The following RUFY2 variants were observed in gnomAD, a reference collection of about 807,000 sequenced individuals.
RUFY2 encodes the protein RUN and FYVE domain-containing protein 2.
In RUFY2, 49 loss-of-function variants were observed where a neutral mutation model predicts 94.4. That is an observed-to-expected ratio of 0.52 (90% CI 0.41 to 0.66). RUFY2 has a LOEUF of 0.66. Ranked by LOEUF, RUFY2 falls within the 30% of genes least tolerant of loss-of-function variation. The pLI, the probability that RUFY2 is intolerant of heterozygous loss-of-function variation, is 0.00. For synonymous variants in RUFY2, 255 were observed against 235.7 expected (o/e 1.08, Z -0.75); for missense variants, 541 against 692.8 (o/e 0.78, Z 2.46).
chr10:68,378,391 T>G (rs1319962167), intron 12 of RUFY2: 3 of 1,235,746 alleles, frequency 2.4e-6, no homozygotes, highest in Non-Finnish European at 2.0e-6. Context: ...GAAATCCAAG[T>G]GCACCCACTC....
intron 13 of RUFY2, among the ~76,000 whole-genome samples, chr10:68,366,453 A>T (rs906771341): frequency 2.0e-5 from 3 of 151,452 alleles, no homozygotes; most frequent in Non-Finnish European, 4.4e-5. Context: ...ACTTAGAAAA[A>T]ATTTTCAGGC....
chr10:68,366,330 C>CAA (rs374353912), intron 13 of RUFY2, among the ~76,000 whole-genome samples: 753 of 54,306 alleles, frequency 0.014, 19 homozygotes, highest in African/African-American at 0.039. Context: ...AACTCCATCT[C>CAA]AAAAAAAAAA....
Position 68,396,712 on chromosome 10 carries a change from A to G in RUFY2, c.398+68T>C, listed in dbSNP as rs1232382216. The G allele has an allele frequency of 6.9e-6, 7 of 1,008,492 alleles. No individual in the cohort carries two copies. The African/African-American group carries it at 1.1e-4, about 16-fold the overall frequency. The allele number at this position is 1,008,492 out of a possible 1,614,324, so 62.5% of individuals were successfully genotyped here. A position where few individuals can be genotyped will look rare whatever the true frequency, so the allele number is the denominator to read the frequency against. ...ATATATCCTTTCATATTACATCTTA[A>G]ATCCTTTTTGGAAGACAGCATATAA... is the stretch of plus-strand genomic sequence containing the variant. On this transcript the variant is annotated intron_variant, in intron 4 of 17. Coordinates refer to ENST00000602465, the MANE Select transcript of RUFY2 (RefSeq NM_001330103.2).
At chr10:68,389,313 C>T (rs1191198128) in intron 7 of RUFY2, among the ~76,000 whole-genome samples, 1 of 152,160 alleles carries the variant, frequency 6.6e-6, no homozygotes, top group East Asian at 1.9e-4. Flanking sequence ...TTGAACTGGG[C>T]CGGCCACGGT....
At position 68,344,700 on chromosome 10, in the gene RUFY2, A is replaced by C. The variant is rs1461545639; in HGVS notation, c.*1068T>G. ...ACTCCATCTCGAAAAAAAAAGAAATAGGTCAAGTGTATATTTCATCATCTC... is the reference window on the plus strand; with the variant it reads ...ACTCCATCTCGAAAAAAAAAGAAATCGGTCAAGTGTATATTTCATCATCTC... On this transcript the variant is annotated 3_prime_UTR_variant, in exon 18 of 18. Transcript: ENST00000602465. 6.6e-6 allele frequency: 1 copy of C among 152,360 alleles called. No homozygotes were observed. Among genetic ancestry groups the C allele is most frequent in the African/African-American group, 2.4e-5 (1 of 41,444 alleles). 9.4% of individuals were successfully genotyped at this position (152,360 alleles called of 1,614,324 possible).
chr10:68,344,006 T>G lies in RUFY2; in HGVS notation c.*1762A>C, dbSNP rs925423111. Reference sequence around the variant, plus strand: ...AAAAGCATATTTGAAAATTTCATTTTTTGTTTATTCAGTAATCATAAAAAT... The same window carrying G: ...AAAAGCATATTTGAAAATTTCATTTGTTGTTTATTCAGTAATCATAAAAAT... On this transcript the variant is annotated 3_prime_UTR_variant, in exon 18 of 18. Transcript: ENST00000602465. 1 of 152,286 alleles carries G rather than the reference T, an allele frequency of 6.6e-6. No individual in the cohort carries two copies. Among genetic ancestry groups the G allele is most frequent in the Admixed American group, 6.5e-5 (1 of 15,300 alleles). The allele number at this position is 152,286 out of a possible 1,614,324, so 9.4% of individuals were successfully genotyped here. A position where few individuals can be genotyped will look rare whatever the true frequency, so the allele number is the denominator to read the frequency against.
In RUFY2 at chr10:68,361,055, G is replaced by C. The variant is rs753321508; in HGVS notation, c.1550+2535C>G. Among the ~76,000 whole-genome samples, 124 of 152,128 alleles carry C rather than the reference G, an allele frequency of 8.2e-4. 2 individuals are homozygous for C. Among genetic ancestry groups the C allele is most frequent in the Non-Finnish European group, 1.9e-4 (13 of 68,018 alleles). ...CCCAGCACTTTGGAGGCCAAGGCAG[G>C]CAGATCACCTGAGGTCAGGAGTTCA... is the stretch of plus-strand genomic sequence containing the variant. On this transcript the variant is annotated intron_variant, in intron 15 of 17. Coordinates refer to ENST00000602465, the MANE Select transcript of RUFY2 (RefSeq NM_001330103.2).
downstream of RUFY2, chr10:68,341,723 A>C (rs750725203): frequency 1.1e-5 from 17 of 1,580,812 alleles, no homozygotes; most frequent in African/African-American, 2.7e-5. Context: ...CTGCTTATCG[A>C]TGAGTCTCAA....
chr10:68,381,124 T>C, intron 11 of RUFY2, 108 bp downstream of exon 11: 1 of 691,718 alleles, frequency 1.4e-6, no homozygotes, highest in South Asian at 2.9e-5. Flanking sequence ...TTGGCCTTTA[T>C]AATATTGCAC....
intron 9 of RUFY2, 36 bp from the exon 10 acceptor site, chr10:68,383,950 C>T: frequency 1.9e-6 from 3 of 1,577,202 alleles, no homozygotes; most frequent in Non-Finnish European, 1.7e-6. Flanking sequence ...TCTATAATCA[C>T]TACTATTAAT....
intron 7 of RUFY2, among the ~76,000 whole-genome samples, chr10:68,387,848 C>T (rs894762499): frequency 6.6e-6 from 1 of 151,936 alleles, no homozygotes; most frequent in Non-Finnish European, 1.5e-5. Context: ...ACTAAAAATA[C>T]AAAACTTAGC....
At chr10:68,379,224 C>A in intron 12 of RUFY2, 200 bp downstream of exon 12, 1 of 442,574 alleles carries the variant, frequency 2.3e-6, no homozygotes, top group Non-Finnish European at 4.0e-6. Context: ...AATATGACAA[C>A]TTCAAATGAA....
At chr10:68,367,507 T>C (rs2047930895) in intron 13 of RUFY2, among the ~76,000 whole-genome samples, 1 of 152,194 alleles carries the variant, frequency 6.6e-6, no homozygotes, top group Non-Finnish European at 1.5e-5. Flanking sequence ...TAGGCTGAAG[T>C]TTAGTGGCAC....
At chr10:68,389,106 G>T (rs532770725) in intron 7 of RUFY2, among the ~76,000 whole-genome samples, 18 of 152,030 alleles carry the variant, frequency 1.2e-4, no homozygotes, top group African/African-American at 4.3e-4. Context: ...TCACCATGTT[G>T]CCCAGGCTGG....
chr10:68,344,405 A>G lies in RUFY2; in HGVS notation c.*1363T>C, dbSNP rs1036504586. 6.6e-6 allele frequency: 1 copy of G among 152,204 alleles called. No individual in the cohort carries two copies. Among genetic ancestry groups the G allele is most frequent in the Non-Finnish European group, 1.5e-5 (1 of 68,026 alleles). 9.4% of individuals were successfully genotyped at this position (152,204 alleles called of 1,614,324 possible). A position where few individuals can be genotyped will look rare whatever the true frequency, so the allele number is the denominator to read the frequency against. ...ACAAACTTAAAGTGCATGGTTAAAA[A>G]TTAATGTAAAAAATAGGATACTGAA... On this transcript the variant is annotated 3_prime_UTR_variant, in exon 18 of 18. Transcript: ENST00000602465.
At chr10:68,389,511 A>C (rs1279520132) in intron 7 of RUFY2, among the ~76,000 whole-genome samples, 1 of 152,034 alleles carries the variant, frequency 6.6e-6, no homozygotes, top group Non-Finnish European at 1.5e-5. Flanking sequence ...AATCACTTGA[A>C]ACTGGAAGGC....
intron 7 of RUFY2, among the ~76,000 whole-genome samples, chr10:68,388,591 C>A (rs2049711514): frequency 6.6e-6 from 1 of 151,994 alleles, no homozygotes. Context: ...AATACCAACA[C>A]TTTAGGAGGC....
At chr10:68,389,150 C>T (rs943628221) in intron 7 of RUFY2, among the ~76,000 whole-genome samples, 1 of 152,138 alleles carries the variant, frequency 6.6e-6, no homozygotes, top group Non-Finnish European at 1.5e-5. Context: ...ATCCTCCCAC[C>T]TCAGCCTCCT....
chr10:68,369,687 C>T (rs2048119574), intron 13 of RUFY2, among the ~76,000 whole-genome samples: 1 of 151,856 alleles, frequency 6.6e-6, no homozygotes, highest in Non-Finnish European at 1.5e-5. Flanking sequence ...TTTGGGAGGC[C>T]AAGGCAGGAG....
Sources: gnomAD v4.1 joint callset for allele counts (sites outside exome capture counted in the v4.1 genomes callset) on GRCh38, gnomAD v4.1.1 for gene constraint, MANE v1.5 for transcripts, NCBI Gene and HGNC (gene_info 2026-07-23, HGNC 2026-07-21) for gene names.